Variants in NUMA1 observed in about 807,000 individuals in gnomAD.
NUMA1 encodes the protein SP-H antigen.
In NUMA1, 62 loss-of-function variants were observed where a neutral mutation model predicts 237.1. That is an observed-to-expected ratio of 0.26 (90% confidence interval 0.21 to 0.32). The LOEUF is 0.32. Among genes scored for constraint, NUMA1 ranks in the 10% least tolerant of loss-of-function variants. The probability of loss-of-function intolerance (pLI) is 1.00; values close to 1 mark genes in which losing one functional copy is unlikely to be tolerated. For synonymous variants in NUMA1, 1,028 were observed against 1,066.1 expected, an observed-to-expected ratio of 0.96 and a Z score of 0.70; for missense variants, 2,533 against 2,666.5, an observed-to-expected ratio of 0.95 and a Z score of 1.10.
intron 1 of NUMA1, among the ~76,000 whole-genome samples, chr11:72,075,715 A>C (rs1189390860): frequency 2.0e-5 from 3 of 152,210 alleles, no homozygotes; most frequent in Non-Finnish European, 4.4e-5. Context: ...GGTTTAAATC[A>C]ATCTCCTTTA....
intron 22 of NUMA1, 145 bp from the exon 23 acceptor site, chr11:72,005,514 G>T: frequency 1.4e-6 from 1 of 708,508 alleles, no homozygotes; most frequent in Admixed American, 2.9e-5. Context: ...GCAGGTGCAG[G>T]AGTACGGCAC....
At chr11:72,040,812 G>A (rs1293899804) in intron 2 of NUMA1, 2 of 152,172 alleles carry the variant, frequency 1.3e-5, no homozygotes, top group African/African-American at 4.8e-5. Flanking sequence ...ATGTTTACTT[G>A]CTCTCCCTCT....
chr11:72,026,971 G>A (rs1013394013), intron 4 of NUMA1, among the ~76,000 whole-genome samples: 3 of 152,228 alleles, frequency 2.0e-5, no homozygotes, highest in Admixed American at 6.5e-5. Flanking sequence ...CTAGGTTCAG[G>A]CAACACCCTA....
In NUMA1 at chr11:72,004,900, C is replaced by T. The variant is rs758893820; in HGVS notation, c.5830-84G>A. On this transcript the variant is annotated intron_variant, in intron 23 of 26. Transcript: ENST00000393695. ...TGGGGCTGTCCCAGAACTCTACACT[C>T]GCCCGACACTTATGGTCGGGACCCT... 37 of 1,319,580 alleles carry T rather than the reference C, an allele frequency of 2.8e-5. 1 individual carries two copies. Among genetic ancestry groups the T allele is most frequent in the Middle Eastern group, 4.7e-4 (2 of 4,240 alleles). 81.7% of individuals were successfully genotyped at this position (1,319,580 alleles called of 1,614,324 possible).
chr11:72,071,498 A>G (rs1430715036), intron 1 of NUMA1, among the ~76,000 whole-genome samples: 1 of 152,270 alleles, frequency 6.6e-6, no homozygotes, highest in Non-Finnish European at 1.5e-5. Context: ...CATGATAGTC[A>G]TGACAACTAA....
At position 72,007,331 on chromosome 11, in the gene NUMA1, T is replaced by G; in HGVS notation, c.5321A>C (p.Tyr1774Ser). The change falls in exon 21 of 27, where the codon TAC (tyrosine) becomes TCC (serine). Residue 1774 changes from tyrosine (Y) to serine (S), a missense_variant. By Grantham distance (144) the Tyr-to-Ser change is moderately radical. This residue lies in a region of NUMA1 where 795 missense variants were observed against 750.8 expected (regional missense o/e 1.06). Transcript: ENST00000393695. ...PPKVESLESL[Y>S]FTPIPARSQA... is the part of the protein sequence containing the mutation. ...ACTCCGAGCAGGGATGGGAGTGAAG[T>G]AGAGACTCTCCAGGGATTCTACCTT... The G allele has an allele frequency of 6.2e-7, 1 of 1,613,400 alleles. No individual in the cohort carries two copies. Among genetic ancestry groups the G allele is most frequent in the Non-Finnish European group, 8.5e-7 (1 of 1,179,766 alleles).
At chr11:72,008,542 A>C in intron 20 of NUMA1, 146 bp downstream of exon 20, 7 of 904,924 alleles carry the variant, frequency 7.7e-6, no homozygotes, top group Non-Finnish European at 1.2e-5. Context: ...ACTGTGCCCT[A>C]AATAGATATC....
At chr11:72,078,299 G>A (rs1015847114) in intron 1 of NUMA1, among the ~76,000 whole-genome samples, 1 of 152,224 alleles carries the variant, frequency 6.6e-6, no homozygotes, top group Non-Finnish European at 1.5e-5. Context: ...AGTGTACACT[G>A]GGTAAGAGGC....
chr11:72,029,647 G>T (rs1940037569), intron 3 of NUMA1, among the ~76,000 whole-genome samples: 1 of 152,172 alleles, frequency 6.6e-6, no homozygotes. Context: ...GAAAAGAAAG[G>T]CTCTTACATT....
Position 72,018,522 on chromosome 11 carries a change from A to G in NUMA1, c.743-9T>C. 6.2e-7 allele frequency: 1 copy of G among 1,609,488 alleles called. No homozygotes were observed. The highest frequency in any genetic ancestry group is 2.2e-5 in the East Asian group (1 of 44,862). On this transcript the variant is annotated splice_polypyrimidine_tract_variant and intron_variant, in intron 10 of 26. Transcript: ENST00000393695. ...CATGGCTATCTGTGCATCTGCCCAG[A>G]GTGGAGGGAGGAGGAGAGGAGAATC...
At chr11:72,017,965 C>A in intron 12 of NUMA1, 138 bp from the exon 13 acceptor site, 2 of 1,096,244 alleles carry the variant, frequency 1.8e-6, no homozygotes, top group Non-Finnish European at 2.6e-6. Context: ...AGCCATCACA[C>A]CTCTAATTCA....
chr11:72,060,495 T>C (rs1441676775), intron 2 of NUMA1, among the ~76,000 whole-genome samples: 3 of 151,878 alleles, frequency 2.0e-5, no homozygotes, highest in African/African-American at 4.8e-5. Context: ...ATTAGAAAAA[T>C]AGCCAGTTGT....
chr11:72,044,636 T>A (rs1941889377), intron 2 of NUMA1, among the ~76,000 whole-genome samples: 1 of 151,350 alleles, frequency 6.6e-6, no homozygotes, highest in Non-Finnish European at 1.5e-5. Context: ...TAGGGAACAT[T>A]CACTTGGGGA....
At chr11:72,048,784 T>G (rs1001860118) in intron 2 of NUMA1, among the ~76,000 whole-genome samples, 4 of 152,040 alleles carry the variant, frequency 2.6e-5, no homozygotes, top group African/African-American at 9.7e-5. Flanking sequence ...GGGCCAAAAC[T>G]CCTCTAAAAA....
chr11:72,004,967 G>T, intron 23 of NUMA1, 151 bp from the exon 24 acceptor site: 2 of 867,660 alleles, frequency 2.3e-6, no homozygotes, highest in Admixed American at 3.2e-5. Context: ...CTCCTTTCCT[G>T]TTCTGCTTTC....
Position 72,015,840 on chromosome 11 carries a change from G to C in NUMA1, c.1663C>G (p.Gln555Glu), listed in dbSNP as rs780803158. ...TTCTGCTTCAGGCTACTGCTTAGCT[G>C]CTCCACCTGGTGGCGGAGGCCCTGG... is the stretch of plus-strand genomic sequence containing the variant. Reference protein sequence around the residue: ...ASQGLRHQVEQLSSSLKQKEQ... With the variant: ...ASQGLRHQVEELSSSLKQKEQ... Residue 555 changes from glutamine (Q) to glutamate (E), a missense_variant, in exon 15 of 27, where the codon CAG (glutamine) becomes GAG (glutamate). Transcript: ENST00000393695. The surrounding 1 kb of genome is among the most constrained non-coding windows in gnomAD (Gnocchi z 4.0). 1.2e-6 allele frequency: 2 copies of C among 1,614,198 alleles called. No homozygotes were observed. The highest frequency in any genetic ancestry group is 2.2e-5 in the South Asian group (2 of 91,088).
rs141352540 is a variant in NUMA1, at chr11:72,052,641, G to A, written c.-32-16666C>T. 4.2e-3 allele frequency among the ~76,000 whole-genome samples: 641 copies of A among 152,172 alleles called. 6 individuals carry two copies. The highest frequency in any genetic ancestry group is 0.015 in the African/African-American group (608 of 41,518). ...ATTAGCTGGGTGTGGTCACATGCCT[G>A]TAATCCCAGCTACTCAGGAGGCTGA... is the stretch of plus-strand genomic sequence containing the variant. On this transcript the variant is annotated intron_variant, in intron 2 of 26. Coordinates refer to ENST00000393695, the MANE Select transcript of NUMA1 (RefSeq NM_006185.4).
intron 17 of NUMA1, 144 bp downstream of exon 17, chr11:72,010,642 C>G: frequency 1.3e-6 from 1 of 756,960 alleles, no homozygotes. Context: ...CATGCAGGGG[C>G]TTCTAAGCCA....
chr11:72,079,154 T>A (rs1184569781), intron 1 of NUMA1, among the ~76,000 whole-genome samples: 1 of 152,218 alleles, frequency 6.6e-6, no homozygotes, highest in Non-Finnish European at 1.5e-5. Flanking sequence ...TTTATTCCCA[T>A]TACATGTCGC....
Sources: gnomAD v4.1 joint callset for allele counts (sites outside exome capture counted in the v4.1 genomes callset) on GRCh38, gnomAD v4.1.1 for gene constraint, gnomAD v4.1.1 regional missense constraint, Gnocchi (gnomAD v3.1) non-coding constraint, MANE v1.5 for transcripts, NCBI Gene and HGNC (gene_info 2026-07-23, HGNC 2026-07-21) for gene names.